The following NBAS variants were observed in gnomAD, a reference collection of about 807,000 sequenced individuals.
The protein encoded by NBAS is NBAS subunit of NRZ tethering complex, also known as NAG/BC035112 fusion.
In NBAS, 219 loss-of-function variants were observed where a neutral mutation model predicts 302.5. The observed-to-expected ratio is 0.72, with a 90% confidence interval of 0.65 to 0.81. The LOEUF is 0.81. Ranked by LOEUF, NBAS falls within the 30% of genes least tolerant of loss-of-function variation. The pLI, the probability that NBAS is intolerant of heterozygous loss-of-function variation, is 0.00. For synonymous variants in NBAS, 1,118 were observed against 1,021.6 expected, an observed-to-expected ratio of 1.09 and a Z score of -1.80; for missense variants, 2,932 against 2,841.6, an observed-to-expected ratio of 1.03 and a Z score of -0.72.
the NBAS span, among the ~76,000 whole-genome samples, chr2:14,883,822 G>A: frequency 7.9e-5 from 12 of 151,874 alleles, no homozygotes; most frequent in African/African-American, 2.4e-4. Context: ...ATACCTGGGC[G>A]TGGTGGCACA....
intron 9 of NBAS, among the ~76,000 whole-genome samples, chr2:15,527,059 C>A (rs79853526): frequency 2.5e-4 from 34 of 137,542 alleles, no homozygotes; most frequent in African/African-American, 9.0e-4. Context: ...AACAGTCCAG[C>A]ATTAAGATAC....
rs755163480 is a variant in NBAS at position 15,334,899 on chromosome 2, T to C, written c.4180-4134A>G. Among the ~76,000 whole-genome samples, 18 of 152,238 alleles carry C rather than the reference T, an allele frequency of 1.2e-4. 1 individual carries two copies. The highest frequency in any genetic ancestry group is 1.8e-4 in the Non-Finnish European group (12 of 68,050). On this transcript the variant is annotated intron_variant, in intron 35 of 51. Transcript: ENST00000281513. ...TCCTAGAAGCTCCTCTTGAGCTCACTTGCAGTCACTAACCCTGCCAAAACA... is the reference window on the plus strand; with the variant it reads ...TCCTAGAAGCTCCTCTTGAGCTCACCTGCAGTCACTAACCCTGCCAAAACA...
chr2:15,234,413 TA>T, intron 46 of NBAS, 131 bp downstream of exon 46: 1 of 925,810 alleles, frequency 1.1e-6, no homozygotes, highest in South Asian at 1.4e-5. Context: ...ATGAGAACTC[TA>T]AAAATAATCT....
At chr2:15,221,487 TA>T (rs200151793) in intron 47 of NBAS, among the ~76,000 whole-genome samples, 2 of 151,550 alleles carry the variant, frequency 1.3e-5, no homozygotes, top group East Asian at 3.9e-4. Flanking sequence ...GATACAGAGA[TA>T]AAAAAAAATT....
the NBAS span, among the ~76,000 whole-genome samples, chr2:14,896,539 G>T: frequency 6.6e-6 from 1 of 152,010 alleles, no homozygotes; most frequent in South Asian, 2.1e-4. Flanking sequence ...TAAGCGCAAG[G>T]AACCAATTAG....
At chr2:15,055,119 A>T in the NBAS span, among the ~76,000 whole-genome samples, 1 of 152,172 alleles carries the variant, frequency 6.6e-6, no homozygotes. Flanking sequence ...GGATACATTC[A>T]CTCGAAGCAA....
intron 45 of NBAS, among the ~76,000 whole-genome samples, chr2:15,236,201 G>C (rs370665978): frequency 2.0e-5 from 3 of 152,006 alleles, no homozygotes; most frequent in South Asian, 2.1e-4. Context: ...TCATATCTTA[G>C]ATGAAACAAA....
chr2:15,186,146 T>C (rs959479783), intron 50 of NBAS, among the ~76,000 whole-genome samples: 19 of 149,332 alleles, frequency 1.3e-4, no homozygotes, highest in Non-Finnish European at 3.0e-5. Context: ...ATATATACAC[T>C]TATGTATGTG....
intron 14 of NBAS, among the ~76,000 whole-genome samples, chr2:15,474,663 C>T (rs766815641): frequency 1.1e-4 from 17 of 152,032 alleles, no homozygotes; most frequent in South Asian, 6.2e-4. Flanking sequence ...CAGGTTCAGA[C>T]GATTCTCCTG....
intron 10 of NBAS, among the ~76,000 whole-genome samples, chr2:15,504,531 C>T (rs1661749271): frequency 6.6e-6 from 1 of 152,080 alleles, no homozygotes; most frequent in Non-Finnish European, 1.5e-5. Flanking sequence ...CCATTTTATC[C>T]TAACATCAGT....
At chr2:15,359,857 A>G (rs1673809393) in intron 32 of NBAS, among the ~76,000 whole-genome samples, 1 of 152,206 alleles carries the variant, frequency 6.6e-6, no homozygotes, top group Non-Finnish European at 1.5e-5. Context: ...GCTTAACAAG[A>G]GGAATACATT....
intron 48 of NBAS, among the ~76,000 whole-genome samples, chr2:15,203,881 T>TGTGTGC (rs1666005459): frequency 1.6e-5 from 2 of 125,186 alleles, no homozygotes; most frequent in African/African-American, 6.2e-5. Flanking sequence ...TGTGTGTGTG[T>TGTGTGC]GTGTGTGCTT....
the NBAS span, among the ~76,000 whole-genome samples, chr2:15,034,026 A>AGAAGAAGAAGAAGAAGAAGAAG: frequency 2.0e-5 from 1 of 50,084 alleles, no homozygotes; most frequent in African/African-American, 8.4e-5. Flanking sequence ...AAGAAGAAGA[A>AGAAGAAGAAGAAGAAGAAGAAG]GAGGAGGAGG....
At chr2:15,054,405 G>A in the NBAS span, among the ~76,000 whole-genome samples, 1 of 152,182 alleles carries the variant, frequency 6.6e-6, no homozygotes, top group Non-Finnish European at 1.5e-5. Flanking sequence ...CACTGAAGAA[G>A]GAGAAGGTGA....
intron 23 of NBAS, among the ~76,000 whole-genome samples, chr2:15,422,213 G>C (rs888043692): frequency 2.6e-5 from 4 of 152,104 alleles, no homozygotes; most frequent in African/African-American, 9.7e-5. Flanking sequence ...CATATGGTTG[G>C]AATCATACAG....
chr2:15,133,829 A>G, the NBAS span, among the ~76,000 whole-genome samples: 15 of 152,256 alleles, frequency 9.9e-5, no homozygotes, highest in East Asian at 2.9e-3. Context: ...AGCCATGGTT[A>G]TTTCTGTTTC....
chr2:14,974,294 T>C, the NBAS span, among the ~76,000 whole-genome samples: 1 of 152,108 alleles, frequency 6.6e-6, no homozygotes, highest in Non-Finnish European at 1.5e-5. Flanking sequence ...CCCCAATGAA[T>C]AAATGAAAGC....
At chr2:15,148,050 C>T in the NBAS span, among the ~76,000 whole-genome samples, 4 of 152,260 alleles carry the variant, frequency 2.6e-5, no homozygotes, top group African/African-American at 9.6e-5. Flanking sequence ...CCCTGGTAAC[C>T]AGGTTGGAAA....
chr2:15,476,613 G>C (rs201985280), intron 13 of NBAS, among the ~76,000 whole-genome samples: 1 of 152,004 alleles, frequency 6.6e-6, no homozygotes, highest in East Asian at 1.9e-4. Context: ...TCCAACTACT[G>C]GGGAGACTGG....
Sources: allele counts gnomAD v4.1 joint callset (sites outside exome capture counted in the v4.1 genomes callset), GRCh38; gene constraint gnomAD v4.1.1; transcripts MANE v1.5; gene names NCBI Gene and HGNC (gene_info 2026-07-23, HGNC 2026-07-21).